The following AATF variants were observed in gnomAD, a reference collection of about 807,000 sequenced individuals.
AATF encodes apoptosis antagonizing transcription factor, also known as protein AATF.
In AATF, 48 loss-of-function variants were observed where a neutral mutation model predicts 63.7. The ratio of observed to expected loss-of-function variants is 0.75; its 90% CI spans 0.60 to 0.96. AATF has a LOEUF of 0.96. AATF is among the 40% of genes least tolerant of loss of function. The pLI is 0.00. For missense variants in AATF, 639 were observed against 685.7 expected (o/e 0.93, Z 0.76); for synonymous variants, 258 against 247.7 (o/e 1.04, Z -0.39).
At chr17:36,971,935 G>C (rs1052887124) in intron 4 of AATF, among the ~76,000 whole-genome samples, 1 of 152,136 alleles carries the variant, frequency 6.6e-6, no homozygotes, top group African/African-American at 2.4e-5. Flanking sequence ...TTTCTTCTTT[G>C]TTTTCTATGA....
chr17:37,041,793 C>A (rs2071642728), intron 11 of AATF, among the ~76,000 whole-genome samples: 1 of 152,220 alleles, frequency 6.6e-6, no homozygotes, highest in African/African-American at 2.4e-5. Context: ...GTGTGAGCCA[C>A]CACACCCGGC....
At chr17:37,047,070 G>A (rs973941373) in intron 11 of AATF, among the ~76,000 whole-genome samples, 1 of 152,092 alleles carries the variant, frequency 6.6e-6, no homozygotes, top group African/African-American at 2.4e-5. Context: ...CTGCATCCCA[G>A]GTCCGGAATA....
At chr17:36,980,746 G>A (rs559790090) in intron 4 of AATF, among the ~76,000 whole-genome samples, 1 of 152,216 alleles carries the variant, frequency 6.6e-6, no homozygotes, top group East Asian at 1.9e-4. Context: ...CTTACCATTT[G>A]CAGCAAAGGA....
chr17:37,013,967 C>A (rs185005300), intron 8 of AATF, among the ~76,000 whole-genome samples: 1 of 152,074 alleles, frequency 6.6e-6, no homozygotes, highest in Non-Finnish European at 1.5e-5. Flanking sequence ...ACTCTTCTGG[C>A]GTGGCTGCAC....
chr17:36,975,304 A>C (rs796569988), intron 4 of AATF, among the ~76,000 whole-genome samples: 52 of 152,256 alleles, frequency 3.4e-4, no homozygotes, highest in African/African-American at 1.2e-3. Context: ...AGCGTTTTAA[A>C]GTAAATTACA....
At chr17:36,972,804 C>G (rs557568563) in intron 4 of AATF, among the ~76,000 whole-genome samples, 4 of 152,052 alleles carry the variant, frequency 2.6e-5, no homozygotes, top group South Asian at 2.1e-4. Context: ...TGAGAACACT[C>G]AGTTTTAGGT....
At chr17:36,981,091 T>C (rs2071120148) in intron 4 of AATF, among the ~76,000 whole-genome samples, 2 of 152,158 alleles carry the variant, frequency 1.3e-5, no homozygotes, top group African/African-American at 4.8e-5. Context: ...AGGCACACTT[T>C]GATTTACTGA....
chr17:37,032,653 C>T (rs942596764), intron 11 of AATF, among the ~76,000 whole-genome samples: 5 of 152,144 alleles, frequency 3.3e-5, no homozygotes, highest in Non-Finnish European at 7.3e-5. Flanking sequence ...CAGAAGACAG[C>T]CACTTTTAAC....
intron 11 of AATF, among the ~76,000 whole-genome samples, chr17:37,037,209 G>A (rs12948968): frequency 0.031 from 4,734 of 152,064 alleles, 211 homozygotes; most frequent in African/African-American, 0.095. Context: ...TAGAGGTGGG[G>A]TTTCACCATG....
intron 8 of AATF, among the ~76,000 whole-genome samples, chr17:37,009,977 A>G (rs2071377824): frequency 6.6e-6 from 1 of 152,180 alleles, no homozygotes; most frequent in African/African-American, 2.4e-5. Context: ...AATGACAAAG[A>G]TATGTTCAAA....
chr17:36,962,912 AGGT>A (rs1260519863), intron 4 of AATF, among the ~76,000 whole-genome samples: 1 of 152,174 alleles, frequency 6.6e-6, no homozygotes, highest in Non-Finnish European at 1.5e-5. Flanking sequence ...ACCTGAGGTC[AGGT>A]GTTCGAGACC....
chr17:36,971,695 C>G (rs982890047), intron 4 of AATF, among the ~76,000 whole-genome samples: 1 of 152,074 alleles, frequency 6.6e-6, no homozygotes, highest in African/African-American at 2.4e-5. Flanking sequence ...AAATGTGCAA[C>G]AAATTGTACA....
At chr17:37,050,661 G>A (rs1555655941) in intron 11 of AATF, among the ~76,000 whole-genome samples, 1 of 152,176 alleles carries the variant, frequency 6.6e-6, no homozygotes, top group Non-Finnish European at 1.5e-5. Context: ...TGCTAGCCGT[G>A]AGTGCTGCTA....
intron 4 of AATF, among the ~76,000 whole-genome samples, chr17:36,985,879 G>A (rs574723192): frequency 4.6e-5 from 7 of 152,152 alleles, no homozygotes; most frequent in South Asian, 4.1e-4. Flanking sequence ...GTTTTTATCC[G>A]TAGACTATAT....
intron 2 of AATF, among the ~76,000 whole-genome samples, chr17:36,951,108 T>C (rs2070851601): frequency 6.6e-6 from 1 of 152,218 alleles, no homozygotes; most frequent in South Asian, 2.1e-4. Context: ...TTTAAAGAAT[T>C]GTAAATTTCT....
Position 36,985,421 on chromosome 17 carries a change from C to T in AATF, c.833-1196C>T, listed in dbSNP as rs964802836. Among the ~76,000 whole-genome samples, 16 of 151,500 alleles carry T rather than the reference C, an allele frequency of 1.1e-4. No homozygotes were observed. The East Asian group carries it at 1.4e-3, about 13-fold the overall frequency. ...CACCAAGTAGCTGGAACTACAGGTACGCACCACCATGCCTGGCTAAATTTT... is the reference window on the plus strand; with the variant it reads ...CACCAAGTAGCTGGAACTACAGGTATGCACCACCATGCCTGGCTAAATTTT... On this transcript the variant is annotated intron_variant, in intron 4 of 11. Coordinates refer to ENST00000619387, the MANE Select transcript of AATF (RefSeq NM_012138.4).
At chr17:37,037,915 A>ACT (rs943652516) in intron 11 of AATF, among the ~76,000 whole-genome samples, 1 of 151,196 alleles carries the variant, frequency 6.6e-6, no homozygotes, top group South Asian at 2.1e-4. Context: ...CCCTGTCCCC[A>ACT]CTCTCTCTCT....
At chr17:37,027,698 G>A (rs2071520897) in intron 10 of AATF, among the ~76,000 whole-genome samples, 1 of 152,118 alleles carries the variant, frequency 6.6e-6, no homozygotes, top group South Asian at 2.1e-4. Flanking sequence ...AATTATTAGT[G>A]ATATGTATTT....
chr17:37,001,435 G>GGAAGGAAGGAAT (rs2071295862), intron 8 of AATF, among the ~76,000 whole-genome samples: 1 of 124,712 alleles, frequency 8.0e-6, no homozygotes, highest in Non-Finnish European at 1.7e-5. Flanking sequence ...AAGGAAGGAA[G>GGAAGGAAGGAAT]GAAGGAAGGA....
Sources: allele counts gnomAD v4.1 joint callset (sites outside exome capture counted in the v4.1 genomes callset), GRCh38; gene constraint gnomAD v4.1.1; transcripts MANE v1.5; gene names NCBI Gene and HGNC (gene_info 2026-07-23, HGNC 2026-07-21).